The following FOXP1 variants were observed in gnomAD, a reference collection of about 807,000 sequenced individuals.
The protein encoded by FOXP1 is forkhead box P1.
FOXP1 carries 15 observed loss-of-function variants against 98.2 expected under a neutral mutation model. The observed-to-expected ratio is 0.15, with a 90% confidence interval of 0.10 to 0.24. The LOEUF (loss-of-function observed/expected upper bound fraction) is 0.24. Ranked by LOEUF, FOXP1 falls within the 10% of genes least tolerant of loss-of-function variation. The pLI, the probability that FOXP1 is intolerant of heterozygous loss-of-function variation, is 1.00. For synonymous variants in FOXP1, 371 were observed against 314.5 expected (o/e 1.18, Z -1.90); for missense variants, 633 against 848.5 (o/e 0.75, Z 3.15).
intron 3 of FOXP1, among the ~76,000 whole-genome samples, chr3:71,413,053 A>G (rs2082880711): frequency 6.6e-6 from 1 of 152,046 alleles, no homozygotes; most frequent in Admixed American, 6.6e-5. Flanking sequence ...AAAACACACA[A>G]AGGTGGAGGA....
chr3:71,031,934 C>T (rs1354983463), intron 11 of FOXP1, among the ~76,000 whole-genome samples: 2 of 152,160 alleles, frequency 1.3e-5, no homozygotes, highest in Non-Finnish European at 2.9e-5. Context: ...TAGAATTGTA[C>T]CTGCTGAGTT....
At chr3:71,126,031 AC>A (rs1315825971) in intron 6 of FOXP1, among the ~76,000 whole-genome samples, 1 of 152,244 alleles carries the variant, frequency 6.6e-6, no homozygotes, top group African/African-American at 2.4e-5. Flanking sequence ...TCAATAAGTA[AC>A]AAGTGATTTT....
intron 10 of FOXP1, among the ~76,000 whole-genome samples, chr3:71,046,641 A>C (rs568641283): frequency 2.0e-5 from 3 of 152,330 alleles, no homozygotes; most frequent in Admixed American, 6.5e-5. Flanking sequence ...GAAACACTGC[A>C]AGAGTCCATT....
chr3:71,116,245 T>C (rs1162651150), intron 6 of FOXP1, among the ~76,000 whole-genome samples: 1 of 152,012 alleles, frequency 6.6e-6, no homozygotes, highest in African/African-American at 2.4e-5. Context: ...AGACCCAACA[T>C]AGGGTACATG....
chr3:71,273,170 C>T (rs2070553313), intron 5 of FOXP1, among the ~76,000 whole-genome samples: 1 of 152,140 alleles, frequency 6.6e-6, no homozygotes, highest in Non-Finnish European at 1.5e-5. Flanking sequence ...TTAAGAGTGA[C>T]CAGATTCAGG....
At chr3:71,488,922 A>G (rs2090862905) in intron 3 of FOXP1, among the ~76,000 whole-genome samples, 1 of 152,240 alleles carries the variant, frequency 6.6e-6, no homozygotes, top group South Asian at 2.1e-4. Flanking sequence ...TATGTAGTTT[A>G]TTAAATTGTT....
intron 6 of FOXP1, among the ~76,000 whole-genome samples, chr3:71,194,111 A>T (rs1301863414): frequency 1.3e-5 from 2 of 152,156 alleles, no homozygotes; most frequent in African/African-American, 2.4e-5. Context: ...TACATGTTCA[A>T]ATTCTAAATA....
intron 7 of FOXP1, among the ~76,000 whole-genome samples, chr3:71,100,938 T>C (rs1401645605): frequency 3.9e-5 from 6 of 152,054 alleles, no homozygotes; most frequent in Non-Finnish European, 8.8e-5. Context: ...CAGAATGACA[T>C]GGCGTTCGAG....
At chr3:71,130,991 G>A (rs1033671503) in intron 6 of FOXP1, 14 of 910,248 alleles carry the variant, frequency 1.5e-5, no homozygotes, top group African/African-American at 9.0e-5. Context: ...ACAGGGTTTC[G>A]GGAAACCTGC....
chr3:70,980,314 C>T (rs1363180813), intron 14 of FOXP1, among the ~76,000 whole-genome samples: 5 of 152,164 alleles, frequency 3.3e-5, no homozygotes, highest in Admixed American at 2.6e-4. Flanking sequence ...AAGGCTAATG[C>T]TCATAAATAT....
At chr3:71,547,178 T>C (rs1438872479) in intron 2 of FOXP1, among the ~76,000 whole-genome samples, 1 of 152,158 alleles carries the variant, frequency 6.6e-6, no homozygotes, top group African/African-American at 2.4e-5. Context: ...TCTGAAACAG[T>C]TGGGATTAGC....
At chr3:70,960,066 A>T (rs910474760) in intron 20 of FOXP1, among the ~76,000 whole-genome samples, 3 of 152,150 alleles carry the variant, frequency 2.0e-5, no homozygotes, top group African/African-American at 7.2e-5. Context: ...TAACATGCAG[A>T]ACCTGTGAAA....
intron 2 of FOXP1, among the ~76,000 whole-genome samples, chr3:71,537,401 A>T (rs916801636): frequency 1.3e-5 from 2 of 152,150 alleles, no homozygotes; most frequent in Non-Finnish European, 2.9e-5. Context: ...CAGTATGGAA[A>T]AGTGTACTAG....
intron 6 of FOXP1, among the ~76,000 whole-genome samples, chr3:71,117,157 G>A (rs2058433804): frequency 6.6e-6 from 1 of 151,768 alleles, no homozygotes; most frequent in Non-Finnish European, 1.5e-5. Flanking sequence ...GCACAATCAC[G>A]GCTCACTGTA....
At position 70,959,187 on chromosome 3, in the gene FOXP1, C is replaced by G; in HGVS notation, c.*60G>C. ...GAACAATTTCACTGCTAACTTTTGA[C>G]GTGTTTTTTTTTTTTTCCTTTTTCC... On this transcript the variant is annotated 3_prime_UTR_variant, in exon 21 of 21. Coordinates refer to ENST00000649528, the MANE Select transcript of FOXP1 (RefSeq NM_001349338.3). 4 of 1,491,782 alleles carry G rather than the reference C, an allele frequency of 2.7e-6. No individual in the cohort carries two copies. Among genetic ancestry groups the G allele is most frequent in the Non-Finnish European group, 3.7e-6 (4 of 1,079,752 alleles). 92.4% of individuals were successfully genotyped at this position (1,491,782 alleles called of 1,614,324 possible). A position where few individuals can be genotyped will look rare whatever the true frequency, so the allele number is the denominator to read the frequency against.
chr3:71,226,037 G>T (rs71298374), intron 5 of FOXP1, among the ~76,000 whole-genome samples: 12,809 of 152,258 alleles, frequency 0.084, 798 homozygotes, highest in Middle Eastern at 0.23. Flanking sequence ...TAAACAGCCT[G>T]GTTCAGATTC....
chr3:71,126,070 G>A (rs2059148089), intron 6 of FOXP1, among the ~76,000 whole-genome samples: 1 of 152,186 alleles, frequency 6.6e-6, no homozygotes, highest in African/African-American at 2.4e-5. Flanking sequence ...TATAGATTAT[G>A]AAAGTAATAA....
intron 5 of FOXP1, among the ~76,000 whole-genome samples, chr3:71,261,680 C>T (rs1392229602): frequency 6.6e-6 from 1 of 152,072 alleles, no homozygotes; most frequent in Non-Finnish European, 1.5e-5. Flanking sequence ...AACATTCGCA[C>T]ATTTCAAAAT....
rs1353378788 is a variant in FOXP1 at position 70,958,217 on chromosome 3, A to G, written c.*1030T>C. On this transcript the variant is annotated 3_prime_UTR_variant, in exon 21 of 21. Coordinates refer to ENST00000649528, the MANE Select transcript of FOXP1 (RefSeq NM_001349338.3). ...GCTGCAAAAAAAAAAAAAGAAAAGA[A>G]AAGAAAAAAAGAAAATCCGAAACAC... is the stretch of plus-strand genomic sequence containing the variant. 2 of 475,578 alleles carry G rather than the reference A, an allele frequency of 4.2e-6. No individual in the cohort carries two copies. The highest frequency in any genetic ancestry group is 8.0e-5 in the East Asian group (2 of 25,052). The allele number at this position is 475,578 out of a possible 1,614,324, so 29.5% of individuals were successfully genotyped here. A position where few individuals can be genotyped will look rare whatever the true frequency, so the allele number is the denominator to read the frequency against.
Sources: gnomAD v4.1 joint callset for allele counts (sites outside exome capture counted in the v4.1 genomes callset) on GRCh38, gnomAD v4.1.1 for gene constraint, MANE v1.5 for transcripts, NCBI Gene and HGNC (gene_info 2026-07-23, HGNC 2026-07-21) for gene names.